The following ARFGEF1 variants were observed in gnomAD, a reference collection of about 807,000 sequenced individuals.
ARFGEF1 encodes the protein brefeldin A-inhibited guanine nucleotide-exchange protein 1.
Under a neutral mutation model 231.0 loss-of-function variants are expected in ARFGEF1, and 42 were observed. The observed-to-expected ratio is 0.18, with a 90% CI of 0.14 to 0.24. The LOEUF is 0.24. Among genes scored for constraint, ARFGEF1 ranks in the 10% least tolerant of loss-of-function variants. The probability of loss-of-function intolerance (pLI) is 1.00; values close to 1 mark genes in which losing one functional copy is unlikely to be tolerated. For missense variants in ARFGEF1, 1,345 were observed against 2,192.0 expected, an observed-to-expected ratio of 0.61 and a Z score of 7.72; for synonymous variants, 710 against 732.3, an observed-to-expected ratio of 0.97 and a Z score of 0.49.
At chr8:67,209,492 T>C (rs987185281) in intron 34 of ARFGEF1, among the ~76,000 whole-genome samples, 1 of 152,176 alleles carries the variant, frequency 6.6e-6, no homozygotes, top group African/African-American at 2.4e-5. Flanking sequence ...TGAAAATGCT[T>C]TGGATCTAGA....
intron 1 of ARFGEF1, among the ~76,000 whole-genome samples, chr8:67,331,741 A>T (rs528071267): frequency 6.6e-6 from 1 of 152,288 alleles, no homozygotes; most frequent in East Asian, 1.9e-4. Flanking sequence ...ACAGAAAAAA[A>T]AAATGCAAAG....
At chr8:67,319,821 T>C (rs1179662181) in intron 1 of ARFGEF1, among the ~76,000 whole-genome samples, 1 of 152,120 alleles carries the variant, frequency 6.6e-6, no homozygotes, top group Non-Finnish European at 1.5e-5. Flanking sequence ...AATATATACT[T>C]TAAAAACTCT....
intron 2 of ARFGEF1, 113 bp downstream of exon 2, chr8:67,302,323 T>C (rs1806530126): frequency 3.3e-6 from 2 of 604,128 alleles, no homozygotes; most frequent in Non-Finnish European, 2.7e-6. Flanking sequence ...GATTTTACTA[T>C]AAAACTCACA....
chr8:67,244,242 CAAAAAAAAAAAAAAA>C (rs34333039), intron 19 of ARFGEF1, among the ~76,000 whole-genome samples: 1 of 20,096 alleles, frequency 5.0e-5, no homozygotes, highest in Non-Finnish European at 9.6e-5. Flanking sequence ...GACTCCACCT[CAAAAAAAAAAAAAAA>C]AAAAAAAAAA....
chr8:67,274,009 G>A (rs1324410803), intron 9 of ARFGEF1, among the ~76,000 whole-genome samples: 1 of 152,054 alleles, frequency 6.6e-6, no homozygotes, highest in East Asian at 1.9e-4. Flanking sequence ...AAAATATCTT[G>A]TACACTGTAC....
intron 1 of ARFGEF1, among the ~76,000 whole-genome samples, chr8:67,333,553 A>C (rs1457905141): frequency 6.6e-6 from 1 of 151,652 alleles, no homozygotes; most frequent in African/African-American, 2.4e-5. Context: ...GGATCAAGGG[A>C]TCTCCCTGTC....
chr8:67,259,416 C>T (rs529447487), intron 15 of ARFGEF1, among the ~76,000 whole-genome samples: 244 of 152,198 alleles, frequency 1.6e-3, no homozygotes, highest in African/African-American at 5.7e-3. Flanking sequence ...TTATTAGAGA[C>T]GAGGTTTTGC....
At chr8:67,209,082 T>C (rs1838628354) in intron 34 of ARFGEF1, among the ~76,000 whole-genome samples, 1 of 152,250 alleles carries the variant, frequency 6.6e-6, no homozygotes, top group Non-Finnish European at 1.5e-5. Context: ...GCAATTCCAC[T>C]CCTAGGTAGA....
At chr8:67,234,269 C>G (rs1442924151) in intron 22 of ARFGEF1, among the ~76,000 whole-genome samples, 1 of 152,048 alleles carries the variant, frequency 6.6e-6, no homozygotes, top group African/African-American at 2.4e-5. Context: ...CCAGGAGAGA[C>G]AGATATGTTT....
rs568457919 is a variant in ARFGEF1 at position 67,257,352 on chromosome 8, A to G, written c.2526+380T>C. ...GTCTCGGCCACTCAAAAGTGCTGGG[A>G]TTACAGGCGTTAGGTACCACGCCTG... On this transcript the variant is annotated intron_variant, in intron 17 of 38. Coordinates refer to ENST00000262215, the MANE Select transcript of ARFGEF1 (RefSeq NM_006421.5). Among the ~76,000 whole-genome samples the G allele has an allele frequency of 2.2e-3, 339 of 152,264 alleles. 1 individual carries two copies. Among genetic ancestry groups the G allele is most frequent in the African/African-American group, 8.0e-3 (332 of 41,546 alleles).
intron 7 of ARFGEF1, among the ~76,000 whole-genome samples, chr8:67,277,797 C>T (rs1055113353): frequency 3.9e-5 from 6 of 151,986 alleles, no homozygotes; most frequent in African/African-American, 7.2e-5. Flanking sequence ...ACAAATTCCT[C>T]GAAAAAATAT....
intron 1 of ARFGEF1, among the ~76,000 whole-genome samples, chr8:67,303,269 C>T (rs994791193): frequency 1.3e-5 from 2 of 152,170 alleles, no homozygotes; most frequent in African/African-American, 4.8e-5. Flanking sequence ...TATGTTTGTG[C>T]ATTGATATTT....
intron 34 of ARFGEF1, among the ~76,000 whole-genome samples, chr8:67,206,045 T>C (rs1838502772): frequency 6.6e-6 from 1 of 152,090 alleles, no homozygotes; most frequent in Admixed American, 6.6e-5. Flanking sequence ...TTTATTTGGA[T>C]CCAGATTCGT....
chr8:67,260,741 T>C (rs1405977638), intron 14 of ARFGEF1, among the ~76,000 whole-genome samples: 1 of 152,110 alleles, frequency 6.6e-6, no homozygotes, highest in African/African-American at 2.4e-5. Flanking sequence ...CTAGAAATAA[T>C]TGAGCTTAGT....
chr8:67,238,043 C>A (rs1439313489), intron 22 of ARFGEF1, among the ~76,000 whole-genome samples: 1 of 152,164 alleles, frequency 6.6e-6, no homozygotes, highest in African/African-American at 2.4e-5. Context: ...CCAACTATTA[C>A]CTGATACCAG....
At chr8:67,279,195 T>C (rs1563884549) in intron 7 of ARFGEF1, among the ~76,000 whole-genome samples, 2 of 152,160 alleles carry the variant, frequency 1.3e-5, no homozygotes, top group Non-Finnish European at 2.9e-5. Context: ...TGAGTTCCTA[T>C]CTCATTCCCC....
At chr8:67,322,666 C>T (rs1358498192) in intron 1 of ARFGEF1, among the ~76,000 whole-genome samples, 1 of 152,200 alleles carries the variant, frequency 6.6e-6, no homozygotes, top group Non-Finnish European at 1.5e-5. Flanking sequence ...GACTGCACTG[C>T]TGCTCTCTAG....
chr8:67,181,690 A>G (rs1227298178), intron 5 of ARFGEF1, among the ~76,000 whole-genome samples: 1 of 152,226 alleles, frequency 6.6e-6, no homozygotes, highest in African/African-American at 2.4e-5. Context: ...ACACATAAAC[A>G]TAACATTTAC....
At chr8:67,233,101 G>A (rs1839605876) in intron 22 of ARFGEF1, among the ~76,000 whole-genome samples, 156 bp from the exon 23 acceptor site, 1 of 152,002 alleles carries the variant, frequency 6.6e-6, no homozygotes, top group South Asian at 2.1e-4. Context: ...CATGAACAAG[G>A]CCAAATGTGC....
Sources: gnomAD v4.1 joint callset for allele counts (sites outside exome capture counted in the v4.1 genomes callset) on GRCh38, gnomAD v4.1.1 for gene constraint, MANE v1.5 for transcripts, NCBI Gene and HGNC (gene_info 2026-07-23, HGNC 2026-07-21) for gene names.